The following PKNOX2 variants were observed in gnomAD, a reference collection of about 807,000 sequenced individuals.
The protein encoded by PKNOX2 is PBX/knotted 1 homeobox 2, also known as homeobox protein PKNOX2.
In PKNOX2, 14 loss-of-function variants were observed where a neutral mutation model predicts 53.1. The ratio of observed to expected loss-of-function variants is 0.26; its 90% confidence interval spans 0.17 to 0.41. The LOEUF (loss-of-function observed/expected upper bound fraction) is 0.41, where lower values mean the gene tolerates loss of function less well. PKNOX2 is among the 10% of genes least tolerant of loss of function. The pLI is 1.00. For missense variants in PKNOX2, 496 were observed against 602.8 expected (o/e 0.82, Z 1.85); for synonymous variants, 257 against 242.8 (o/e 1.06, Z -0.54).
At chr11:125,292,315 C>T (rs888192529) in intron 2 of PKNOX2, among the ~76,000 whole-genome samples, 10 of 152,164 alleles carry the variant, frequency 6.6e-5, no homozygotes, top group African/African-American at 2.4e-4. Flanking sequence ...CCCCTGACAG[C>T]GATTATTTGT....
rs1956686907 is a variant in PKNOX2 at position 125,431,231 on chromosome 11, G to A, written c.1258G>A (p.Ala420Thr). The change falls in exon 13 of 13, where the codon GCT becomes ACT. Residue 420 changes from alanine (A) to threonine (T), a missense_variant. Coordinates refer to ENST00000298282, the MANE Select transcript of PKNOX2 (RefSeq NM_001382323.2). ...CAGTGCCACCATGGCCATGCAGCAG[G>A]CTATGATGGCTGCACACGATGACTC... ...SDSATMAMQQ[A>T]MMAAHDDSLD... 6.2e-7 allele frequency: 1 copy of A among 1,613,806 alleles called. No individual in the cohort carries two copies. Among genetic ancestry groups the A allele is most frequent in the South Asian group, 1.1e-5 (1 of 91,062 alleles).
chr11:125,431,090 A>T (rs886436539), intron 12 of PKNOX2, 76 bp from the exon 13 acceptor site: 4 of 1,534,994 alleles, frequency 2.6e-6, no homozygotes, highest in Non-Finnish European at 3.5e-6. Context: ...CCAGTCCATT[A>T]AACCCTGTCC....
chr11:125,382,309 A>G (rs1953297245), intron 5 of PKNOX2, among the ~76,000 whole-genome samples: 1 of 152,252 alleles, frequency 6.6e-6, no homozygotes, highest in Non-Finnish European at 1.5e-5. Context: ...TGGTGCACAC[A>G]CATGCATATG....
intron 2 of PKNOX2, among the ~76,000 whole-genome samples, chr11:125,253,276 T>G (rs936218675): frequency 1.3e-5 from 2 of 151,658 alleles, no homozygotes; most frequent in Non-Finnish European, 2.9e-5. Context: ...AGTCCTATCA[T>G]GTAGATATTA....
At chr11:125,427,516 A>T (rs1956490001) in intron 10 of PKNOX2, among the ~76,000 whole-genome samples, 1 of 152,010 alleles carries the variant, frequency 6.6e-6, no homozygotes, top group Non-Finnish European at 1.5e-5. Flanking sequence ...ACCTTGTAAC[A>T]CCCCCTGATA....
chr11:125,233,289 T>TC (rs1942386680), intron 1 of PKNOX2, among the ~76,000 whole-genome samples: 1 of 152,208 alleles, frequency 6.6e-6, no homozygotes. Context: ...AGACAGACAG[T>TC]CCCACAGGGC....
intron 1 of PKNOX2, among the ~76,000 whole-genome samples, chr11:125,170,781 C>G (rs987099513): frequency 2.6e-5 from 4 of 152,062 alleles, no homozygotes; most frequent in African/African-American, 7.3e-5. Flanking sequence ...CTCCACCAAA[C>G]AGCTTCGTTC....
At chr11:125,234,016 G>A (rs375063993) in intron 1 of PKNOX2, among the ~76,000 whole-genome samples, 16 of 152,264 alleles carry the variant, frequency 1.1e-4, no homozygotes, top group East Asian at 5.8e-4. Flanking sequence ...CAGTCTCTGC[G>A]TCATCCCAGG....
At chr11:125,387,047 T>C (rs1490849612) in intron 6 of PKNOX2, among the ~76,000 whole-genome samples, 3 of 152,160 alleles carry the variant, frequency 2.0e-5, no homozygotes, top group African/African-American at 7.2e-5. Flanking sequence ...CTGGCTGGGA[T>C]TGGCAGCCCC....
chr11:125,192,025 C>G (rs1406516042), intron 1 of PKNOX2, among the ~76,000 whole-genome samples: 1 of 151,838 alleles, frequency 6.6e-6, no homozygotes, highest in South Asian at 2.1e-4. Flanking sequence ...GATGAAATAT[C>G]GACATCTGAG....
chr11:125,430,652 G>A (rs561088255), intron 12 of PKNOX2, among the ~76,000 whole-genome samples: 42 of 152,186 alleles, frequency 2.8e-4, no homozygotes, highest in Non-Finnish European at 5.9e-4. Flanking sequence ...TGTATGGGGA[G>A]TGGAGCGTAG....
intron 7 of PKNOX2, among the ~76,000 whole-genome samples, chr11:125,406,055 C>T (rs1479979951): frequency 1.3e-5 from 2 of 152,190 alleles, no homozygotes; most frequent in Non-Finnish European, 2.9e-5. Flanking sequence ...CATCTGGGTG[C>T]TAAGGAGCCT....
At chr11:125,253,834 AG>A in intron 2 of PKNOX2, among the ~76,000 whole-genome samples, 1 of 152,274 alleles carries the variant, frequency 6.6e-6, no homozygotes, top group South Asian at 2.1e-4. Context: ...AGGAGCAGCC[AG>A]GCGTCTAGAT....
chr11:125,386,816 G>T (rs888973425), intron 6 of PKNOX2, among the ~76,000 whole-genome samples: 2 of 151,238 alleles, frequency 1.3e-5, no homozygotes, highest in Non-Finnish European at 2.9e-5. Context: ...CCACACCACC[G>T]CTTCTCTCAA....
In PKNOX2 at chr11:125,201,200, C is replaced by A. The variant is rs574276586; in HGVS notation, c.-200-33845C>A. ...CTGCTTGGTTATGGCCATTCTACCCCCAAGAGGAAGCGGGGTCTTCCTTTC... is the reference window on the plus strand; with the variant it reads ...CTGCTTGGTTATGGCCATTCTACCCACAAGAGGAAGCGGGGTCTTCCTTTC... On this transcript the variant is annotated intron_variant, in intron 1 of 12. Transcript: ENST00000298282. 3.3e-5 allele frequency among the ~76,000 whole-genome samples: 5 copies of A among 152,274 alleles called. No homozygotes were observed. In the South Asian group the frequency reaches 1.0e-3, roughly 32 times the overall value.
chr11:125,418,906 G>T (rs1298749701), intron 10 of PKNOX2, among the ~76,000 whole-genome samples: 1 of 151,998 alleles, frequency 6.6e-6, no homozygotes, highest in Non-Finnish European at 1.5e-5. Flanking sequence ...ATCTGGAAAT[G>T]TTTTAAAATG....
chr11:125,175,665 A>G (rs1192621421), intron 1 of PKNOX2, among the ~76,000 whole-genome samples: 2 of 152,234 alleles, frequency 1.3e-5, no homozygotes, highest in African/African-American at 4.8e-5. Flanking sequence ...TCACCCAGCT[A>G]TGAGTGAGGC....
rs1954881084 is a variant in PKNOX2, at chr11:125,166,415, C to A, written c.-201+1639C>A. ...GAGAGGACTTGGGCCACACAGGACC[C>A]GGTCCTAAGAGAGCGATTCCGGGAA... On this transcript the variant is annotated intron_variant, in intron 1 of 12. Coordinates refer to ENST00000298282, the MANE Select transcript of PKNOX2 (RefSeq NM_001382323.2). The surrounding 1 kb of genome is among the most constrained non-coding windows in gnomAD (Gnocchi z 4.0). 2.0e-5 allele frequency among the ~76,000 whole-genome samples: 3 copies of A among 152,216 alleles called. No homozygotes were observed. In the South Asian group the frequency reaches 6.2e-4, roughly 32 times the overall value.
intron 1 of PKNOX2, among the ~76,000 whole-genome samples, chr11:125,222,125 G>A (rs942513635): frequency 4.6e-5 from 7 of 152,196 alleles, no homozygotes; most frequent in African/African-American, 1.7e-4. Flanking sequence ...CCAGAAGCAC[G>A]TCAGACACTG....
Sources: allele counts gnomAD v4.1 joint callset (sites outside exome capture counted in the v4.1 genomes callset), GRCh38; gene constraint gnomAD v4.1.1; non-coding constraint Gnocchi (gnomAD v3.1); transcripts MANE v1.5; gene names NCBI Gene and HGNC (gene_info 2026-07-23, HGNC 2026-07-21).